KIF9: variants seen among roughly 807,000 people sequenced by gnomAD.
KIF9 encodes kinesin-like protein KIF9.
KIF9 carries 68 observed loss-of-function variants against 94.8 expected under a neutral mutation model. The observed-to-expected ratio is 0.72, with a 90% CI of 0.59 to 0.88. The LOEUF is 0.88. KIF9 is among the 40% of genes least tolerant of loss of function. KIF9 has a pLI of 0.00. For synonymous variants in KIF9, 343 were observed against 362.1 expected (o/e 0.95, Z 0.60); for missense variants, 882 against 982.5 (o/e 0.90, Z 1.37).
At chr3:47,281,156 G>A (rs1424725027) in intron 1 of KIF9, 1 of 643,434 alleles carries the variant, frequency 1.6e-6, no homozygotes. Flanking sequence ...AAGTCAGAGG[G>A]CAGCTGAATC....
intron 10 of KIF9, chr3:47,250,726 T>C (rs1474881748): frequency 1.4e-5 from 3 of 220,240 alleles, no homozygotes; most frequent in Non-Finnish European, 2.0e-5. Flanking sequence ...AACTTCAAGC[T>C]GAGAACCCTC....
intron 10 of KIF9, among the ~76,000 whole-genome samples, chr3:47,253,910 C>G (rs571313774): frequency 6.6e-6 from 1 of 152,302 alleles, no homozygotes; most frequent in East Asian, 1.9e-4. Context: ...GAATGGTGCT[C>G]ACAGTGCTTG....
At chr3:47,237,055 T>G (rs1306423064) in intron 17 of KIF9, among the ~76,000 whole-genome samples, 2 of 152,218 alleles carry the variant, frequency 1.3e-5, no homozygotes, top group East Asian at 3.8e-4. Flanking sequence ...CAGCAGATGT[T>G]CAAATTGTCT....
chr3:47,241,637 G>A (rs1263076137), intron 16 of KIF9, among the ~76,000 whole-genome samples: 1 of 142,598 alleles, frequency 7.0e-6, no homozygotes, highest in African/African-American at 2.5e-5. Context: ...TTTCATATAT[G>A]TGTGTGTGTG....
chr3:47,257,794 T>A (rs560577903), intron 9 of KIF9, among the ~76,000 whole-genome samples: 1 of 152,334 alleles, frequency 6.6e-6, no homozygotes, highest in African/African-American at 2.4e-5. Flanking sequence ...GTCCTCGTCA[T>A]GTAGACTGTG....
intron 17 of KIF9, among the ~76,000 whole-genome samples, chr3:47,239,292 T>C (rs1699291779): frequency 6.6e-6 from 1 of 152,224 alleles, no homozygotes; most frequent in Admixed American, 6.5e-5. Flanking sequence ...TATGCCAGCA[T>C]ACCATGCGTA....
intron 20 of KIF9, among the ~76,000 whole-genome samples, chr3:47,229,710 C>T (rs1209783199): frequency 1.3e-5 from 2 of 151,860 alleles, no homozygotes; most frequent in African/African-American, 2.4e-5. Context: ...TGTAGAAATA[C>T]AGGACTCCTC....
intron 3 of KIF9, among the ~76,000 whole-genome samples, chr3:47,274,638 T>C (rs1243636035): frequency 1.3e-5 from 2 of 152,218 alleles, no homozygotes; most frequent in African/African-American, 4.8e-5. Context: ...CAGAGCCCAT[T>C]TGTGGTTCCA....
rs777478890 is a variant in KIF9, at chr3:47,244,917, AGCCCC to A, written c.1383_1387del (p.Gly462CysfsTer4). 2 of 1,614,072 alleles carry A rather than the reference AGCCCC, an allele frequency of 1.2e-6. No homozygotes were observed. The highest frequency in any genetic ancestry group is 2.2e-5 in the East Asian group (1 of 44,884). On this transcript the variant is annotated frameshift_variant and splice_region_variant, in exon 15 of 21. Transcript: ENST00000684063. LOFTEE classifies it high-confidence loss of function. ...CACTAGGTGGCCATCAACATCCACAAGCCCCGCCTACATAGAGAGGCCAGCCAAAG... is the reference window on the plus strand; with the variant it reads ...CACTAGGTGGCCATCAACATCCACAAGCCTACATAGAGAGGCCAGCCAAAG...
At chr3:47,272,978 C>G (rs572632232) in intron 4 of KIF9, among the ~76,000 whole-genome samples, 2 of 152,194 alleles carry the variant, frequency 1.3e-5, no homozygotes, top group Non-Finnish European at 2.9e-5. Context: ...GCTTTTGCCT[C>G]CTACCTCCGA....
Position 47,243,108 on chromosome 3 carries a change from G to A in KIF9, c.1652C>T (p.Thr551Ile). 1 of 1,613,888 alleles carries A rather than the reference G, an allele frequency of 6.2e-7. No homozygotes were observed. The highest frequency in any genetic ancestry group is 8.5e-7 in the Non-Finnish European group (1 of 1,179,820). The change falls in exon 16 of 21, where the codon ACT becomes ATT. Residue 551 changes from threonine (T) to isoleucine (I), a missense_variant. Transcript: ENST00000684063. ...VKDMLSRDRE[T>I]SSIEPLPSDS... is the part of the protein sequence containing the mutation. ...TGAGGGAAGGGGCTCAATGCTGGAA[G>A]TTTCCCGGTCCCGCGAAAGCATGTC...
In KIF9 at chr3:47,244,843, T is replaced by G; in HGVS notation, c.1462A>C (p.Thr488Pro). The change falls in exon 15 of 21, where the codon ACC (threonine) becomes CCC (proline). Residue 488 changes from threonine to proline, a missense_variant. Transcript: ENST00000684063. ...NFGLGVAPFS[T>P]KPGKKAKSKK... ...GACTTGGCTTTCTTCCCAGGTTTGG[T>G]AGAGAAAGGGGCGACTCCGAGTCCA... The G allele has an allele frequency of 6.2e-7, 1 of 1,613,968 alleles. No individual in the cohort carries two copies. Among genetic ancestry groups the G allele is most frequent in the Non-Finnish European group, 8.5e-7 (1 of 1,180,004 alleles).
Position 47,240,949 on chromosome 3 carries a change from G to A in KIF9, c.1776C>T (p.Ile592=). 1 of 1,614,132 alleles carries A rather than the reference G, an allele frequency of 6.2e-7. No homozygotes were observed. Among genetic ancestry groups the A allele is most frequent in the Non-Finnish European group, 8.5e-7 (1 of 1,180,032 alleles). The stretch of plus-strand genomic sequence containing the variant: ...ATTTGTTTTCTTTGAAAATTCGGTT[G>A]ATCTCACTACCTTGCTCATTCTTAA... ...EEFKNEQGSE[I]NRIFKENKSI... Residue 592 remains isoleucine, a synonymous_variant, in exon 17 of 21, where the codon ATC becomes ATT. Transcript: ENST00000684063.
At chr3:47,239,687 A>C in intron 17 of KIF9, 1 of 1,168,444 alleles carries the variant, frequency 8.6e-7, no homozygotes, top group South Asian at 1.6e-5. Context: ...TCCTGGGCTC[A>C]AGCGATTTTC....
intron 16 of KIF9, among the ~76,000 whole-genome samples, chr3:47,241,998 C>G (rs890109317): frequency 3.3e-5 from 5 of 151,230 alleles, no homozygotes; most frequent in African/African-American, 1.2e-4. Context: ...ATTCTCATGC[C>G]TCAGCCTCCT....
At chr3:47,239,110 G>C (rs1364783245) in intron 17 of KIF9, among the ~76,000 whole-genome samples, 1 of 152,164 alleles carries the variant, frequency 6.6e-6, no homozygotes, top group African/African-American at 2.4e-5. Context: ...TGAGGCAGCA[G>C]AATCACTTGA....
intron 5 of KIF9, among the ~76,000 whole-genome samples, chr3:47,267,927 G>A (rs974680065): frequency 6.9e-6 from 1 of 145,888 alleles, no homozygotes; most frequent in African/African-American, 2.5e-5. Flanking sequence ...ACTAGAGTGT[G>A]GTGGCACGAT....
At chr3:47,246,368 G>A (rs1036575191) in intron 12 of KIF9, 116 bp from the exon 13 acceptor site, 8 of 678,736 alleles carry the variant, frequency 1.2e-5, no homozygotes, top group African/African-American at 3.7e-5. Context: ...CATCTGTCTC[G>A]AGAAGAGGAC....
At chr3:47,257,679 C>A in intron 9 of KIF9, 119 bp from the exon 10 acceptor site, 1 of 803,802 alleles carries the variant, frequency 1.2e-6, no homozygotes, top group East Asian at 2.6e-5. Context: ...CTTGTCAACC[C>A]ATGTTGGTTC....
Sources: allele counts gnomAD v4.1 joint callset (sites outside exome capture counted in the v4.1 genomes callset), GRCh38; gene constraint gnomAD v4.1.1; transcripts MANE v1.5; gene names NCBI Gene and HGNC (gene_info 2026-07-23, HGNC 2026-07-21).